IL1RAPL2: variants seen among roughly 807,000 people sequenced by gnomAD.
The protein encoded by IL1RAPL2 is X-linked interleukin-1 receptor accessory protein-like 2.
In IL1RAPL2, 3 loss-of-function variants were observed where a neutral mutation model predicts 44.1. That is an observed-to-expected ratio of 0.07 (90% CI 0.03 to 0.18). IL1RAPL2 has a LOEUF of 0.18. IL1RAPL2 is among the 10% of genes least tolerant of loss of function. The pLI, the probability that IL1RAPL2 is intolerant of heterozygous loss-of-function variation, is 1.00. For missense variants in IL1RAPL2, 391 were observed against 496.4 expected, an observed-to-expected ratio of 0.79 and a Z score of 2.02; for synonymous variants, 181 against 178.8, an observed-to-expected ratio of 1.01 and a Z score of -0.10.
intron 5 of IL1RAPL2, among the ~76,000 whole-genome samples, chrX:105,355,149 G>A (rs1035162016): frequency 9.0e-6 from 1 of 111,327 alleles, no homozygotes; most frequent in Non-Finnish European, 1.9e-5. Context: ...ATCTGGTACT[G>A]CTCCTTGTAA....
intron 5 of IL1RAPL2, among the ~76,000 whole-genome samples, chrX:105,394,745 G>A (rs1387477364): frequency 1.8e-5 from 2 of 111,103 alleles, no homozygotes; most frequent in Admixed American, 9.6e-5. Context: ...CTAGTCTTCT[G>A]TTCTGCTTAA....
At chrX:104,944,111 A>G (rs922607295) in intron 2 of IL1RAPL2, among the ~76,000 whole-genome samples, 2 of 111,589 alleles carry the variant, frequency 1.8e-5, no homozygotes, top group African/African-American at 6.5e-5. Context: ...ATTTATGACA[A>G]TCACCAAGTA....
At chrX:105,394,643 T>C (rs969693129) in intron 5 of IL1RAPL2, among the ~76,000 whole-genome samples, 1 of 111,319 alleles carries the variant, frequency 9.0e-6, no homozygotes, top group African/African-American at 3.3e-5. Flanking sequence ...TCTCTATTGT[T>C]TACCATATCA....
chrX:104,818,795 A>T (rs751274619), intron 2 of IL1RAPL2, among the ~76,000 whole-genome samples: 14 of 6,207 alleles, frequency 2.3e-3, no homozygotes, highest in Non-Finnish European at 3.7e-3. Flanking sequence ...GGATGTTTAT[A>T]TTGCAATAGA....
chrX:104,714,337 A>G (rs1262441267), intron 2 of IL1RAPL2, among the ~76,000 whole-genome samples: 1 of 111,247 alleles, frequency 9.0e-6, no homozygotes, highest in Admixed American at 9.5e-5. Flanking sequence ...CTCACTTTGA[A>G]TTGTAATAAT....
At chrX:105,745,027 G>A (rs943788149) in intron 8 of IL1RAPL2, among the ~76,000 whole-genome samples, 1 of 111,180 alleles carries the variant, frequency 9.0e-6, no homozygotes, top group Non-Finnish European at 1.9e-5. Context: ...CTTAGACTGG[G>A]TAATTTTTAA....
chrX:104,864,357 A>G (rs1053656286), intron 2 of IL1RAPL2, among the ~76,000 whole-genome samples: 2 of 112,353 alleles, frequency 1.8e-5, no homozygotes, highest in Middle Eastern at 4.6e-3. Flanking sequence ...GAAACTCACT[A>G]TGTTTCTCGA....
At chrX:105,282,903 TCA>T (rs2034542726) in intron 5 of IL1RAPL2, among the ~76,000 whole-genome samples, 1 of 111,886 alleles carries the variant, frequency 8.9e-6, no homozygotes, top group African/African-American at 3.2e-5. Context: ...GCATTTTAAA[TCA>T]CAGTTTAATT....
At chrX:104,854,398 A>C (rs1294107130) in intron 2 of IL1RAPL2, among the ~76,000 whole-genome samples, 1 of 112,172 alleles carries the variant, frequency 8.9e-6, no homozygotes, top group Non-Finnish European at 1.9e-5. Flanking sequence ...TAAGTCTGAA[A>C]TGTGACATTG....
intron 2 of IL1RAPL2, among the ~76,000 whole-genome samples, chrX:105,029,720 A>C (rs1029256834): frequency 7.2e-5 from 8 of 110,514 alleles, no homozygotes; most frequent in African/African-American, 2.3e-4. Context: ...ATACGTGTGC[A>C]TGTATCTTTA....
chrX:105,037,009 G>C (rs1285482272), intron 2 of IL1RAPL2, among the ~76,000 whole-genome samples: 1 of 112,067 alleles, frequency 8.9e-6, no homozygotes, highest in African/African-American at 3.2e-5. Flanking sequence ...AAGAAACACG[G>C]AAATCTAGAA....
At chrX:105,346,241 A>G (rs6621963) in intron 5 of IL1RAPL2, among the ~76,000 whole-genome samples, 14,541 of 111,703 alleles carry the variant, frequency 0.13, 2,321 homozygotes, top group African/African-American at 0.45. Context: ...CCGGGAGTCA[A>G]CAATTCTGTG....
intron 2 of IL1RAPL2, among the ~76,000 whole-genome samples, chrX:104,957,613 G>C (rs768894596): frequency 5.3e-5 from 6 of 112,205 alleles, no homozygotes; most frequent in Non-Finnish European, 3.8e-5. Context: ...TTGGGAACTT[G>C]ACTTTATATT....
chrX:105,036,129 A>G (rs2031624808), intron 2 of IL1RAPL2, among the ~76,000 whole-genome samples: 2 of 111,587 alleles, frequency 1.8e-5, no homozygotes, highest in African/African-American at 6.5e-5. Context: ...AATGTCTACA[A>G]GAAAGACACT....
At chrX:105,364,844 A>G (rs1460009933) in intron 5 of IL1RAPL2, among the ~76,000 whole-genome samples, 1 of 111,890 alleles carries the variant, frequency 8.9e-6, no homozygotes, top group African/African-American at 3.2e-5. Flanking sequence ...TGTCATCAGC[A>G]AACAGAGACA....
Position 104,970,195 on chromosome X carries a change from G to T in IL1RAPL2, c.83-225280G>T, listed in dbSNP as rs1005844610. On this transcript the variant is annotated intron_variant, in intron 2 of 10. Coordinates refer to ENST00000372582, the MANE Select transcript of IL1RAPL2 (RefSeq NM_017416.2). Reference sequence around the variant, plus strand: ...TGTACCTATCATTGATAGGGGAATGGATAAATAAATTATAGTGTAGTCATA... The same window carrying T: ...TGTACCTATCATTGATAGGGGAATGTATAAATAAATTATAGTGTAGTCATA... 5.4e-5 allele frequency among the ~76,000 whole-genome samples: 6 copies of T among 111,745 alleles called. No homozygotes were observed. In the Admixed American group the frequency reaches 5.7e-4, roughly 11 times the overall value.
chrX:105,123,205 T>G (rs1190760061), intron 2 of IL1RAPL2, among the ~76,000 whole-genome samples: 1 of 110,476 alleles, frequency 9.1e-6, no homozygotes, highest in Non-Finnish European at 1.9e-5. Flanking sequence ...AATTAAAAGA[T>G]AAAGATAGAA....
rs1031444701 is a variant in IL1RAPL2 at position 105,406,590 on chromosome X, A to G, written c.698-77723A>G. ...TCTTTCTCGTTTGGACCTTCGATAC[A>G]TTAACTTCAAAATGGCCAATTTAAG... On this transcript the variant is annotated intron_variant, in intron 5 of 10. Transcript: ENST00000372582. 219 of 1,187,272 alleles carry G rather than the reference A, an allele frequency of 1.8e-4. 2 individuals are homozygous for G. In the African/African-American group the frequency reaches 2.7e-3, roughly 15 times the overall value.
At chrX:105,497,296 T>A (rs2036362812) in intron 6 of IL1RAPL2, among the ~76,000 whole-genome samples, 1 of 110,561 alleles carries the variant, frequency 9.0e-6, no homozygotes, top group Non-Finnish European at 1.9e-5. Context: ...GAGGGATAAA[T>A]TCCTAGATAC....
Sources: gnomAD v4.1 joint callset for allele counts (sites outside exome capture counted in the v4.1 genomes callset) on GRCh38, gnomAD v4.1.1 for gene constraint, MANE v1.5 for transcripts, NCBI Gene and HGNC (gene_info 2026-07-23, HGNC 2026-07-21) for gene names.